FYB2: variants seen among roughly 807,000 people sequenced by gnomAD.
The protein encoded by FYB2 is FYN binding protein 2.
FYB2 carries 103 observed loss-of-function variants against 94.1 expected under a neutral mutation model. That is an observed-to-expected ratio of 1.09 (90% CI 0.93 to 1.29). The LOEUF is 1.29. Among genes scored for constraint, FYB2 ranks in the 50% most tolerant of loss-of-function variants. The pLI is 0.00. For missense variants in FYB2, 896 were observed against 841.5 expected (o/e 1.06, Z -0.80); for synonymous variants, 293 against 287.9 (o/e 1.02, Z -0.18).
chr1:56,733,549 T>C (rs1644761462), intron 15 of FYB2, among the ~76,000 whole-genome samples: 1 of 152,164 alleles, frequency 6.6e-6, no homozygotes, highest in African/African-American at 2.4e-5. Context: ...AGATCTTTCC[T>C]TCTTTCTCTT....
intron 4 of FYB2, among the ~76,000 whole-genome samples, chr1:56,777,960 A>AT (rs869074111): frequency 1.3e-5 from 2 of 152,010 alleles, no homozygotes; most frequent in Non-Finnish European, 2.9e-5. Flanking sequence ...GTTTTTAATA[A>AT]TTTTTTTAAA....
intron 4 of FYB2, among the ~76,000 whole-genome samples, chr1:56,775,711 G>A (rs1645860177): frequency 1.3e-5 from 2 of 152,142 alleles, no homozygotes; most frequent in African/African-American, 4.8e-5. Context: ...TGTACTGGTT[G>A]AAGTCAAACA....
intron 15 of FYB2, among the ~76,000 whole-genome samples, chr1:56,731,576 T>G: frequency 6.6e-6 from 1 of 152,090 alleles, no homozygotes; most frequent in South Asian, 2.1e-4. Flanking sequence ...AATCACTGGC[T>G]TCATCATGTG....
intron 2 of FYB2, among the ~76,000 whole-genome samples, chr1:56,789,388 T>C (rs552520800): frequency 8.5e-5 from 13 of 152,318 alleles, no homozygotes; most frequent in African/African-American, 2.2e-4. Flanking sequence ...CTAGATTCTT[T>C]GTTTGGCATA....
At chr1:56,783,094 G>A (rs1025597056) in intron 4 of FYB2, among the ~76,000 whole-genome samples, 2 of 152,166 alleles carry the variant, frequency 1.3e-5, no homozygotes, top group Admixed American at 6.5e-5. Context: ...GGAAACTAAT[G>A]AGACATTAAT....
chr1:56,823,863 C>T (rs1328394971), upstream of FYB2: 1 of 152,196 alleles, frequency 6.6e-6, no homozygotes, highest in Non-Finnish European at 1.5e-5. Context: ...ATATGCTTGT[C>T]TTGTTGAGAT....
chr1:56,804,062 C>T (rs990851374), intron 1 of FYB2, among the ~76,000 whole-genome samples: 2 of 152,196 alleles, frequency 1.3e-5, no homozygotes, highest in Non-Finnish European at 2.9e-5. Flanking sequence ...TACTGTGAGG[C>T]CAGCTCAGCA....
intron 15 of FYB2, among the ~76,000 whole-genome samples, chr1:56,733,407 G>C (rs1644756287): frequency 6.6e-6 from 1 of 151,970 alleles, no homozygotes; most frequent in Non-Finnish European, 1.5e-5. Flanking sequence ...ATTTTTTGAA[G>C]GTTTTTTTGT....
intron 4 of FYB2, among the ~76,000 whole-genome samples, chr1:56,783,041 G>A (rs1466680546): frequency 6.6e-6 from 1 of 152,160 alleles, no homozygotes; most frequent in Non-Finnish European, 1.5e-5. Context: ...TTGCATAAAA[G>A]AGTGATGACA....
At chr1:56,777,541 C>T (rs1645909492) in intron 4 of FYB2, among the ~76,000 whole-genome samples, 1 of 152,124 alleles carries the variant, frequency 6.6e-6, no homozygotes, top group South Asian at 2.1e-4. Flanking sequence ...CCCAGGGAAA[C>T]AGAAAATCAC....
chr1:56,749,116 T>C (rs1645137198), intron 9 of FYB2, among the ~76,000 whole-genome samples: 1 of 151,678 alleles, frequency 6.6e-6, no homozygotes, highest in South Asian at 2.1e-4. Flanking sequence ...TCTTTTAAGA[T>C]ATTCTCTTAT....
At chr1:56,737,585 T>A (rs946446382) in intron 14 of FYB2, 1 of 152,972 alleles carries the variant, frequency 6.5e-6, no homozygotes, top group African/African-American at 2.4e-5. Context: ...TCTTCCATGG[T>A]TTTTATTTCA....
At chr1:56,725,474 A>G (rs1034255885) in intron 16 of FYB2, among the ~76,000 whole-genome samples, 1 of 152,074 alleles carries the variant, frequency 6.6e-6, no homozygotes, top group Non-Finnish European at 1.5e-5. Flanking sequence ...AAGGCACTGG[A>G]AAATTGTTTC....
chr1:56,780,783 TC>T (rs1645990419), intron 4 of FYB2, among the ~76,000 whole-genome samples: 1 of 152,176 alleles, frequency 6.6e-6, no homozygotes, highest in Non-Finnish European at 1.5e-5. Flanking sequence ...AATTCACTGC[TC>T]CTTGTGAAAA....
At chr1:56,764,675 G>A (rs1400304865) in intron 5 of FYB2, among the ~76,000 whole-genome samples, 2 of 151,774 alleles carry the variant, frequency 1.3e-5, no homozygotes, top group African/African-American at 2.4e-5. Flanking sequence ...CTGCTTTAAA[G>A]TCTTAGTCAG....
chr1:56,789,790 C>T (rs191884396), intron 2 of FYB2, among the ~76,000 whole-genome samples: 224 of 152,242 alleles, frequency 1.5e-3, no homozygotes, highest in African/African-American at 5.2e-3. Context: ...TCCCCCAGCA[C>T]CAAGCACAGG....
At chr1:56,787,337 C>T (rs1646155494) in intron 3 of FYB2, 129 bp from the exon 4 acceptor site, 1 of 1,080,528 alleles carries the variant, frequency 9.3e-7, no homozygotes, top group Non-Finnish European at 1.4e-6. Context: ...CCTGAAACAT[C>T]CCTTACCTCC....
chr1:56,787,183 A>G lies in FYB2; in HGVS notation c.945T>C (p.Ser315=), dbSNP rs1557648061. 6.2e-7 allele frequency: 1 copy of G among 1,613,910 alleles called. No individual in the cohort carries two copies. The highest frequency in any genetic ancestry group is 1.7e-5 in the Admixed American group (1 of 60,018). Residue 315 remains serine, a synonymous_variant, in exon 4 of 20, where the codon TCT becomes TCC. Coordinates refer to ENST00000343433, the MANE Select transcript of FYB2 (RefSeq NM_001004303.5). ...GEVTVEEGSL[S]PERLFNAEFE... ...AAGGAGCATGTACTTACCTCTCTGG[A>G]GACAGGGAGCCCTCTTCCACAGTCA... is the stretch of plus-strand genomic sequence containing the variant.
Position 56,789,150 on chromosome 1 carries a change from T to TA in FYB2, c.758-17dup. ...GGCTGTTTTTCTGAACACAAGACAG[T>TA]AAAAAATGTAAGTTATGATTATTTT... On this transcript the variant is annotated splice_polypyrimidine_tract_variant and intron_variant, in intron 2 of 19. Coordinates refer to ENST00000343433, the MANE Select transcript of FYB2 (RefSeq NM_001004303.5). 1 of 1,538,944 alleles carries TA rather than the reference T, an allele frequency of 6.5e-7. No individual in the cohort carries two copies. Among genetic ancestry groups the TA allele is most frequent in the Non-Finnish European group, 8.7e-7 (1 of 1,147,264 alleles).
Sources: gnomAD v4.1 joint callset for allele counts (sites outside exome capture counted in the v4.1 genomes callset) on GRCh38, gnomAD v4.1.1 for gene constraint, MANE v1.5 for transcripts, NCBI Gene and HGNC (gene_info 2026-07-23, HGNC 2026-07-21) for gene names.